Variants in VPS36 observed in about 807,000 individuals in gnomAD.
VPS36 encodes the protein vacuolar protein-sorting-associated protein 36.
VPS36 carries 31 observed loss-of-function variants against 63.5 expected under a neutral mutation model. The ratio of observed to expected loss-of-function variants is 0.49; its 90% CI spans 0.37 to 0.66. VPS36 has a LOEUF of 0.66. Ranked by LOEUF, VPS36 falls within the 30% of genes least tolerant of loss-of-function variation. VPS36 has a pLI of 0.00. For synonymous variants in VPS36, 138 were observed against 157.2 expected, an observed-to-expected ratio of 0.88 and a Z score of 0.91; for missense variants, 338 against 463.7, an observed-to-expected ratio of 0.73 and a Z score of 2.49.
At chr13:52,429,701 T>C (rs550848964) in intron 6 of VPS36, among the ~76,000 whole-genome samples, 1 of 152,326 alleles carries the variant, frequency 6.6e-6, no homozygotes, top group South Asian at 2.1e-4. Flanking sequence ...CTTTGAACTA[T>C]GTGACTCCAA....
intron 1 of VPS36, among the ~76,000 whole-genome samples, chr13:52,443,400 G>A (rs992623709): frequency 3.3e-5 from 5 of 152,116 alleles, no homozygotes; most frequent in African/African-American, 1.2e-4. Flanking sequence ...TCATGAGGTG[G>A]GGCCCTCATG....
Position 52,432,514 on chromosome 13 carries a change from T to C in VPS36, c.528+1148A>G, listed in dbSNP as rs560021630. On this transcript the variant is annotated intron_variant, in intron 6 of 13. Transcript: ENST00000378060. ...AAATAGTAGATAAGGGAAACATTTCTTTAAAAAGTATTCCAACTAATAAAT... is the reference window on the plus strand; with the variant it reads ...AAATAGTAGATAAGGGAAACATTTCCTTAAAAAGTATTCCAACTAATAAAT... Among the ~76,000 whole-genome samples the C allele has an allele frequency of 5.4e-4, 82 of 152,336 alleles. No homozygotes were observed. In the East Asian group the frequency reaches 0.015, roughly 28 times the overall value.
chr13:52,416,236 C>T (rs955036294), intron 12 of VPS36, 143 bp from the exon 13 acceptor site: 2 of 788,760 alleles, frequency 2.5e-6, no homozygotes, highest in Non-Finnish European at 4.0e-6. Context: ...ATCCAAAGAA[C>T]ATTCACACTA....
chr13:52,440,199 G>T (rs567537005), intron 2 of VPS36, among the ~76,000 whole-genome samples: 2 of 151,620 alleles, frequency 1.3e-5, no homozygotes, highest in Non-Finnish European at 2.9e-5. Flanking sequence ...GGCTAGTCTC[G>T]AACTCCTGAC....
At chr13:52,427,887 T>G (rs1023958355) in intron 6 of VPS36, among the ~76,000 whole-genome samples, 29 of 152,180 alleles carry the variant, frequency 1.9e-4, no homozygotes, top group South Asian at 4.1e-4. Flanking sequence ...AAAATCATTT[T>G]CTAATAGGAA....
intron 6 of VPS36, among the ~76,000 whole-genome samples, chr13:52,431,608 C>G (rs1958156993): frequency 6.6e-6 from 1 of 151,636 alleles, no homozygotes; most frequent in Non-Finnish European, 1.5e-5. Context: ...ACTAAAAATA[C>G]AAAAATTAGC....
At position 52,416,167 on chromosome 13, in the gene VPS36, T is replaced by C. The variant is rs1594110595; in HGVS notation, c.991-74A>G. 10 of 1,440,198 alleles carry C rather than the reference T, an allele frequency of 6.9e-6. No homozygotes were observed. The East Asian group carries it at 1.6e-4, about 23-fold the overall frequency. The allele number at this position is 1,440,198 out of a possible 1,614,324, so 89.2% of individuals were successfully genotyped here. On this transcript the variant is annotated intron_variant, in intron 12 of 13. Transcript: ENST00000378060. The stretch of plus-strand genomic sequence containing the variant: ...AATTTAAACACACTCTGGGTTCTAA[T>C]GGTAGGCAGAATGTATACCAGTATA...
intron 7 of VPS36, 21 bp downstream of exon 7, chr13:52,427,166 A>G (rs1594116268): frequency 1.2e-6 from 2 of 1,611,076 alleles, no homozygotes. Context: ...TATGAATTTA[A>G]TAGGCATAAA....
chr13:52,438,220 T>G (rs544947557), intron 3 of VPS36, among the ~76,000 whole-genome samples: 245 of 152,266 alleles, frequency 1.6e-3, no homozygotes, highest in African/African-American at 5.7e-3. Flanking sequence ...AAAGTTTACT[T>G]TTTAGAACTT....
At chr13:52,436,059 C>T (rs1294865486) in intron 4 of VPS36, 11 of 398,690 alleles carry the variant, frequency 2.8e-5, no homozygotes, top group Non-Finnish European at 4.5e-5. Flanking sequence ...CTGTTCCTTC[C>T]TTGGGAACAC....
At chr13:52,424,194 A>T (rs1958073571) in intron 9 of VPS36, among the ~76,000 whole-genome samples, 1 of 151,998 alleles carries the variant, frequency 6.6e-6, no homozygotes, top group Admixed American at 6.6e-5. Context: ...AAATGAAAAA[A>T]GGGGCTCTAC....
Position 52,436,253 on chromosome 13 carries a change from A to ACACACACACC in VPS36, c.351+36_351+37insGGTGTGTGTG, listed in dbSNP as rs1555255922. 6.4e-6 allele frequency: 9 copies of ACACACACACC among 1,401,686 alleles called. No individual in the cohort carries two copies. The African/African-American group carries it at 1.3e-4, about 21-fold the overall frequency. The allele number at this position is 1,401,686 out of a possible 1,614,324, so 86.8% of individuals were successfully genotyped here. A position where few individuals can be genotyped will look rare whatever the true frequency, so the allele number is the denominator to read the frequency against. On this transcript the variant is annotated intron_variant, in intron 4 of 13. Coordinates refer to ENST00000378060, the MANE Select transcript of VPS36 (RefSeq NM_016075.4). ...CACACACACACACACACACACACAC[A>ACACACACACC]CCTTTCTAGTACGATTTTATTCATG...
rs1182825139 is a variant in VPS36, at chr13:52,413,326, C to A, written c.*2504G>T. 1 of 152,194 alleles carries A rather than the reference C, an allele frequency of 6.6e-6. No homozygotes were observed. The highest frequency in any genetic ancestry group is 1.5e-5 in the Non-Finnish European group (1 of 68,024). 9.4% of individuals were successfully genotyped at this position (152,194 alleles called of 1,614,324 possible). A position where few individuals can be genotyped will look rare whatever the true frequency, so the allele number is the denominator to read the frequency against. ...AATTTTTTAAAAAAAGAAACCAGTTCATGACATGTCCCATTGTTTTAAGAC... is the reference window on the plus strand; with the variant it reads ...AATTTTTTAAAAAAAGAAACCAGTTAATGACATGTCCCATTGTTTTAAGAC... On this transcript the variant is annotated 3_prime_UTR_variant, in exon 14 of 14. Transcript: ENST00000378060.
At chr13:52,434,445 G>A (rs1249275755) in intron 5 of VPS36, among the ~76,000 whole-genome samples, 1 of 151,944 alleles carries the variant, frequency 6.6e-6, no homozygotes, top group Non-Finnish European at 1.5e-5. Flanking sequence ...AGCAACCTCC[G>A]CCTCCTGGGT....
Position 52,415,625 on chromosome 13 carries a change from T to C in VPS36, c.*205A>G. ...ACTATAGCATGATTTTAAATTCATA[T>C]TGGCATTCACTTTTCTGAATTTTCC... On this transcript the variant is annotated 3_prime_UTR_variant, in exon 14 of 14. Coordinates refer to ENST00000378060, the MANE Select transcript of VPS36 (RefSeq NM_016075.4). 1.8e-6 allele frequency: 1 copy of C among 543,024 alleles called. No individual in the cohort carries two copies. The highest frequency in any genetic ancestry group is 2.6e-5 in the South Asian group (1 of 38,646). The allele number at this position is 543,024 out of a possible 1,614,324, so 33.6% of individuals were successfully genotyped here. A position where few individuals can be genotyped will look rare whatever the true frequency, so the allele number is the denominator to read the frequency against.
chr13:52,427,526 T>G (rs1168284005), intron 6 of VPS36, among the ~76,000 whole-genome samples: 2 of 151,612 alleles, frequency 1.3e-5, no homozygotes, highest in Non-Finnish European at 2.9e-5. Context: ...AGAATGGCGT[T>G]AACCCAGGAG....
intron 12 of VPS36, among the ~76,000 whole-genome samples, chr13:52,416,794 T>C (rs1458807525): frequency 6.6e-6 from 1 of 152,230 alleles, no homozygotes; most frequent in Non-Finnish European, 1.5e-5. Flanking sequence ...TGAGCTTTAA[T>C]AGAAAAGAAA....
intron 1 of VPS36, 135 bp from the exon 2 acceptor site, chr13:52,442,580 A>G: frequency 1.4e-6 from 1 of 724,228 alleles, no homozygotes; most frequent in Non-Finnish European, 2.2e-6. Flanking sequence ...CTTATCACAA[A>G]TTAAAGAGAA....
At chr13:52,427,467 C>G (rs1050587738) in intron 6 of VPS36, among the ~76,000 whole-genome samples, 1 of 152,050 alleles carries the variant, frequency 6.6e-6, no homozygotes, top group Non-Finnish European at 1.5e-5. Flanking sequence ...ATTAGCCGGG[C>G]GTGGTGGCGG....
Sources: allele counts gnomAD v4.1 joint callset (sites outside exome capture counted in the v4.1 genomes callset), GRCh38; gene constraint gnomAD v4.1.1; transcripts MANE v1.5; gene names NCBI Gene and HGNC (gene_info 2026-07-23, HGNC 2026-07-21).